ZNF704: variants seen among roughly 807,000 people sequenced by gnomAD.
ZNF704 encodes glucocorticoid induced gene 1.
A neutral mutation model predicts 44.7 loss-of-function variants in ZNF704; 10 were observed. The observed-to-expected ratio is 0.22, with a 90% CI of 0.14 to 0.38. The LOEUF (loss-of-function observed/expected upper bound fraction) is 0.38, where lower values mean the gene tolerates loss of function less well. ZNF704 is among the 10% of genes least tolerant of loss of function. The pLI, the probability that ZNF704 is intolerant of heterozygous loss-of-function variation, is 1.00. For synonymous variants in ZNF704, 211 were observed against 207.6 expected (o/e 1.02, Z -0.14); for missense variants, 390 against 545.5 (o/e 0.71, Z 2.84).
intron 2 of ZNF704, among the ~76,000 whole-genome samples, chr8:80,775,392 T>C (rs1446560801): frequency 1.3e-5 from 2 of 152,228 alleles, no homozygotes. Context: ...TGGATGCTAA[T>C]GTTTGGTCAT....
intron 1 of ZNF704, among the ~76,000 whole-genome samples, chr8:80,826,494 T>G (rs914749119): frequency 3.3e-5 from 5 of 151,736 alleles, no homozygotes; most frequent in Non-Finnish European, 7.4e-5. Context: ...CTACCAGAGG[T>G]ACAAAGAGGA....
chr8:80,869,881 T>G (rs897352605), intron 1 of ZNF704, among the ~76,000 whole-genome samples: 2 of 152,158 alleles, frequency 1.3e-5, no homozygotes, highest in Admixed American at 1.3e-4. Context: ...AGGAGTCCCA[T>G]GTGACAAAAA....
intron 1 of ZNF704, among the ~76,000 whole-genome samples, chr8:80,844,299 C>T (rs773668420): frequency 9.9e-5 from 15 of 152,144 alleles, no homozygotes; most frequent in Non-Finnish European, 1.9e-4. Flanking sequence ...AAGATCAAGG[C>T]ACCAGCAGAT....
At chr8:80,664,775 A>G (rs1818162611) in intron 6 of ZNF704, 40 bp downstream of exon 6, 2 of 1,608,642 alleles carry the variant, frequency 1.2e-6, no homozygotes, top group Non-Finnish European at 8.5e-7. Context: ...GGTTTTGGTC[A>G]AGGTCAAAGT....
chr8:80,681,127 C>T (rs938241220), intron 4 of ZNF704, among the ~76,000 whole-genome samples: 2 of 152,094 alleles, frequency 1.3e-5, no homozygotes, highest in African/African-American at 4.8e-5. Context: ...TGTTGATGGG[C>T]ATTTGGGTTG....
At chr8:80,734,071 C>A (rs1806625830) in intron 2 of ZNF704, among the ~76,000 whole-genome samples, 1 of 152,190 alleles carries the variant, frequency 6.6e-6, no homozygotes, top group Non-Finnish European at 1.5e-5. Context: ...AACTGCCAAT[C>A]TACTCATTTA....
intron 2 of ZNF704, among the ~76,000 whole-genome samples, chr8:80,728,573 C>CTGTAACTGTTCCATG (rs1339382925): frequency 3.3e-5 from 5 of 152,162 alleles, no homozygotes; most frequent in Non-Finnish European, 7.4e-5. Context: ...TCATTTAACA[C>CTGTAACTGTTCCATG]TGTAACTGTT....
chr8:80,686,992 T>A (rs1818548356), intron 4 of ZNF704, among the ~76,000 whole-genome samples: 3 of 152,178 alleles, frequency 2.0e-5, no homozygotes, highest in Non-Finnish European at 4.4e-5. Flanking sequence ...AACCAGAGGA[T>A]GGATGGGATA....
intron 1 of ZNF704, among the ~76,000 whole-genome samples, chr8:80,853,801 T>C (rs533375576): frequency 1.4e-3 from 207 of 152,170 alleles, no homozygotes; most frequent in African/African-American, 4.7e-3. Context: ...CCACTAATGA[T>C]GATGGAGAAA....
chr8:80,825,396 C>A (rs1234947872), intron 1 of ZNF704, among the ~76,000 whole-genome samples: 1 of 152,170 alleles, frequency 6.6e-6, no homozygotes. Flanking sequence ...TATTTATATA[C>A]CCAATACAGG....
At chr8:80,848,850 C>T (rs1254280487) in intron 1 of ZNF704, among the ~76,000 whole-genome samples, 2 of 151,814 alleles carry the variant, frequency 1.3e-5, no homozygotes, top group African/African-American at 2.4e-5. Context: ...CCCCCTTTTA[C>T]AGGTAAATCA....
At chr8:80,718,173 A>C (rs1404027176) in intron 2 of ZNF704, among the ~76,000 whole-genome samples, 1 of 151,594 alleles carries the variant, frequency 6.6e-6, no homozygotes, top group African/African-American at 2.4e-5. Flanking sequence ...TACTCACTCT[A>C]TCTAGAATGT....
intron 2 of ZNF704, among the ~76,000 whole-genome samples, chr8:80,778,659 C>T (rs745628276): frequency 3.9e-5 from 6 of 152,148 alleles, no homozygotes; most frequent in South Asian, 2.1e-4. Context: ...ATACCCATCA[C>T]GGAATACTAT....
At chr8:80,800,662 C>G (rs1207449970) in intron 2 of ZNF704, among the ~76,000 whole-genome samples, 1 of 152,110 alleles carries the variant, frequency 6.6e-6, no homozygotes, top group Non-Finnish European at 1.5e-5. Flanking sequence ...CTGAGGGAAG[C>G]ACTAAATATG....
intron 1 of ZNF704, among the ~76,000 whole-genome samples, chr8:80,864,015 T>C (rs1223464491): frequency 6.6e-6 from 1 of 152,224 alleles, no homozygotes; most frequent in East Asian, 1.9e-4. Flanking sequence ...TCGTGGGTAC[T>C]GATTTATTGA....
At chr8:80,864,086 C>T (rs1809113311) in intron 1 of ZNF704, among the ~76,000 whole-genome samples, 1 of 152,074 alleles carries the variant, frequency 6.6e-6, no homozygotes, top group African/African-American at 2.4e-5. Context: ...TTCACAGATA[C>T]ACAAGTGAAA....
chr8:80,648,276 T>C (rs1005524010), intron 7 of ZNF704, among the ~76,000 whole-genome samples: 10 of 152,170 alleles, frequency 6.6e-5, no homozygotes, highest in African/African-American at 2.2e-4. Flanking sequence ...CTCGCCAAAG[T>C]CCTTCTTCCT....
chr8:80,824,545 C>A (rs1808338389), intron 1 of ZNF704, among the ~76,000 whole-genome samples: 1 of 152,100 alleles, frequency 6.6e-6, no homozygotes, highest in Non-Finnish European at 1.5e-5. Flanking sequence ...CAAGGCAGGC[C>A]AACATTCAAA....
At chr8:80,733,488 G>A (rs185093181) in intron 2 of ZNF704, among the ~76,000 whole-genome samples, 10 of 152,298 alleles carry the variant, frequency 6.6e-5, no homozygotes, top group African/African-American at 2.4e-4. Context: ...CAATTTCAAG[G>A]ATTAAAACTG....
Sources: gnomAD v4.1 joint callset for allele counts (sites outside exome capture counted in the v4.1 genomes callset) on GRCh38, gnomAD v4.1.1 for gene constraint, MANE v1.5 for transcripts, NCBI Gene and HGNC (gene_info 2026-07-23, HGNC 2026-07-21) for gene names.